Variants in GPC6 observed in about 807,000 individuals in gnomAD.
GPC6 encodes the protein glypican 6, also known as glypican-6.
In GPC6, 14 loss-of-function variants were observed where a neutral mutation model predicts 55.2. That is an observed-to-expected ratio of 0.25 (90% CI 0.17 to 0.40). The LOEUF (loss-of-function observed/expected upper bound fraction) is 0.40. Among genes scored for constraint, GPC6 ranks in the 10% least tolerant of loss-of-function variants. The pLI is 1.00. For synonymous variants in GPC6, 278 were observed against 259.6 expected, an observed-to-expected ratio of 1.07 and a Z score of -0.68; for missense variants, 641 against 708.5, an observed-to-expected ratio of 0.90 and a Z score of 1.08.
intron 3 of GPC6, among the ~76,000 whole-genome samples, chr13:93,883,768 G>A (rs1399816114): frequency 2.0e-5 from 3 of 152,056 alleles, no homozygotes; most frequent in African/African-American, 7.2e-5. Context: ...CCAGGTGACT[G>A]TGGCTTAGAT....
intron 1 of GPC6, among the ~76,000 whole-genome samples, chr13:93,305,233 C>T (rs182764672): frequency 1.4e-3 from 207 of 152,242 alleles, no homozygotes; most frequent in African/African-American, 4.7e-3. Context: ...TGGGGTTGAA[C>T]CCAGGCAGTC....
At chr13:94,181,534 A>T (rs1256400942) in intron 4 of GPC6, among the ~76,000 whole-genome samples, 2 of 152,244 alleles carry the variant, frequency 1.3e-5, no homozygotes, top group Non-Finnish European at 2.9e-5. Flanking sequence ...TATCTGACTT[A>T]ATCTATTGTC....
At chr13:94,372,052 C>T (rs1009009877) in intron 6 of GPC6, among the ~76,000 whole-genome samples, 2 of 152,108 alleles carry the variant, frequency 1.3e-5, no homozygotes, top group African/African-American at 4.8e-5. Flanking sequence ...CCTTTCTCTT[C>T]CTTCTTTCCT....
At chr13:93,991,632 C>T (rs1414928210) in intron 3 of GPC6, among the ~76,000 whole-genome samples, 2 of 152,064 alleles carry the variant, frequency 1.3e-5, no homozygotes, top group Non-Finnish European at 2.9e-5. Flanking sequence ...GTTTTAGGGG[C>T]TGCTTCCAAG....
Position 93,238,022 on chromosome 13 carries a change from T to C in GPC6, c.160+10406T>C, listed in dbSNP as rs530565424. On this transcript the variant is annotated intron_variant, in intron 1 of 8. Coordinates refer to ENST00000377047, the MANE Select transcript of GPC6 (RefSeq NM_005708.5). ...TGTGATGCCTTCAGCTTTGTTCTTT[T>C]TGCTTAGGATTGCTTTGGCTACTCG... is the stretch of plus-strand genomic sequence containing the variant. Among the ~76,000 whole-genome samples the C allele has an allele frequency of 5.3e-5, 8 of 152,316 alleles. No homozygotes were observed. The South Asian group carries it at 1.7e-3, about 32-fold the overall frequency.
chr13:93,570,974 C>T (rs1219041045), intron 2 of GPC6, among the ~76,000 whole-genome samples: 1 of 151,956 alleles, frequency 6.6e-6, no homozygotes, highest in Non-Finnish European at 1.5e-5. Flanking sequence ...TGTTGGTCTC[C>T]AGTATGTTAA....
intron 2 of GPC6, among the ~76,000 whole-genome samples, chr13:93,728,519 G>T (rs931491207): frequency 6.6e-6 from 1 of 151,628 alleles, no homozygotes; most frequent in Admixed American, 6.6e-5. Flanking sequence ...AGGATTACTG[G>T]TGTGAGCCAC....
intron 1 of GPC6, among the ~76,000 whole-genome samples, chr13:93,289,924 A>G (rs1265679791): frequency 6.6e-6 from 1 of 152,160 alleles, no homozygotes; most frequent in Non-Finnish European, 1.5e-5. Flanking sequence ...GAAAAATACT[A>G]TTTTATGGCA....
At chr13:94,037,960 C>A (rs1194200149) in intron 4 of GPC6, among the ~76,000 whole-genome samples, 1 of 151,894 alleles carries the variant, frequency 6.6e-6, no homozygotes, top group African/African-American at 2.4e-5. Flanking sequence ...CTCAATTTTT[C>A]ATTTTATTTA....
chr13:93,327,012 G>A (rs1879681688), intron 1 of GPC6, among the ~76,000 whole-genome samples: 1 of 152,140 alleles, frequency 6.6e-6, no homozygotes, highest in Non-Finnish European at 1.5e-5. Flanking sequence ...AGTTGAGAAG[G>A]AATCTTCAGC....
intron 3 of GPC6, among the ~76,000 whole-genome samples, chr13:93,848,462 C>T (rs750088409): frequency 2.0e-5 from 3 of 152,098 alleles, no homozygotes; most frequent in Non-Finnish European, 4.4e-5. Context: ...CACCTTAAGG[C>T]AACCCTCCCA....
intron 3 of GPC6, chr13:94,025,463 A>G (rs897406380): frequency 6.6e-6 from 1 of 151,600 alleles, no homozygotes; most frequent in Non-Finnish European, 1.5e-5. Flanking sequence ...TGATAAAGGA[A>G]AATTCTGAAA....
At chr13:93,639,229 C>G (rs1434851022) in intron 2 of GPC6, among the ~76,000 whole-genome samples, 1 of 152,088 alleles carries the variant, frequency 6.6e-6, no homozygotes, top group Non-Finnish European at 1.5e-5. Context: ...TTGAAACTCA[C>G]TGGAGCCCAC....
chr13:93,537,605 G>A (rs897051750), intron 1 of GPC6, among the ~76,000 whole-genome samples: 1 of 151,908 alleles, frequency 6.6e-6, no homozygotes, highest in African/African-American at 2.4e-5. Flanking sequence ...AAAAACTTTT[G>A]ATATCCTCAT....
intron 4 of GPC6, among the ~76,000 whole-genome samples, chr13:94,064,585 C>T (rs965643415): frequency 3.0e-4 from 46 of 152,132 alleles, no homozygotes; most frequent in Non-Finnish European, 8.8e-5. Flanking sequence ...AAAATGGCCA[C>T]ACTCATGTTT....
chr13:94,114,401 C>T (rs1161024896), intron 4 of GPC6, among the ~76,000 whole-genome samples: 3 of 152,088 alleles, frequency 2.0e-5, no homozygotes, highest in Non-Finnish European at 4.4e-5. Context: ...GAGAAAGGCT[C>T]ATTGTAAGGA....
chr13:93,506,503 C>T (rs1367209147), intron 1 of GPC6, among the ~76,000 whole-genome samples: 1 of 152,034 alleles, frequency 6.6e-6, no homozygotes, highest in East Asian at 1.9e-4. Flanking sequence ...GCTGACTTAC[C>T]AATATGTACT....
At chr13:94,277,351 T>A (rs530762246) in intron 4 of GPC6, among the ~76,000 whole-genome samples, 3 of 152,158 alleles carry the variant, frequency 2.0e-5, no homozygotes, top group African/African-American at 7.2e-5. Context: ...GATGGGTAGA[T>A]TGCAAAATTT....
chr13:93,613,550 C>G (rs1878585192), intron 2 of GPC6, among the ~76,000 whole-genome samples: 1 of 151,958 alleles, frequency 6.6e-6, no homozygotes, highest in African/African-American at 2.4e-5. Flanking sequence ...CACACACACA[C>G]ACACACACAC....
Sources: allele counts gnomAD v4.1 joint callset (sites outside exome capture counted in the v4.1 genomes callset), GRCh38; gene constraint gnomAD v4.1.1; transcripts MANE v1.5; gene names NCBI Gene and HGNC (gene_info 2026-07-23, HGNC 2026-07-21).